The following IFT57 variants were observed in gnomAD, a reference collection of about 807,000 sequenced individuals.
The protein encoded by IFT57 is intraflagellar transport protein 57 homolog.
IFT57 carries 59 observed loss-of-function variants against 56.8 expected under a neutral mutation model. The observed-to-expected ratio is 1.04, with a 90% CI of 0.84 to 1.29. The LOEUF (loss-of-function observed/expected upper bound fraction) is 1.29, where lower values mean the gene tolerates loss of function less well. Ranked by LOEUF, IFT57 falls within the 50% of genes most tolerant of loss-of-function variation. IFT57 has a pLI of 0.00. For missense variants in IFT57, 470 were observed against 522.1 expected, an observed-to-expected ratio of 0.90 and a Z score of 0.97; for synonymous variants, 209 against 186.1, an observed-to-expected ratio of 1.12 and a Z score of -1.00.
chr3:108,196,361 C>T (rs2080244555), intron 5 of IFT57, among the ~76,000 whole-genome samples: 1 of 152,032 alleles, frequency 6.6e-6, no homozygotes, highest in Non-Finnish European at 1.5e-5. Flanking sequence ...CCACTTTCTT[C>T]AGGCCTGGAT....
At chr3:108,219,818 CA>C (rs2080395908) in intron 1 of IFT57, among the ~76,000 whole-genome samples, 1 of 152,136 alleles carries the variant, frequency 6.6e-6, no homozygotes, top group Non-Finnish European at 1.5e-5. Flanking sequence ...ACCTTACACC[CA>C]GGAAATGTAG....
At chr3:108,209,421 C>G (rs2080331342) in intron 4 of IFT57, among the ~76,000 whole-genome samples, 1 of 152,038 alleles carries the variant, frequency 6.6e-6, no homozygotes, top group South Asian at 2.1e-4. Flanking sequence ...TATGTATGGT[C>G]TTTATTTGAA....
chr3:108,203,698 C>T (rs938811508), intron 5 of IFT57, among the ~76,000 whole-genome samples: 6 of 152,232 alleles, frequency 3.9e-5, no homozygotes, highest in African/African-American at 1.4e-4. Flanking sequence ...GTGAAAAAAG[C>T]AGTGAAAAAG....
Position 108,166,891 on chromosome 3 carries a change from A to G in IFT57, c.944T>C (p.Val315Ala). 1 of 1,611,626 alleles carries G rather than the reference A, an allele frequency of 6.2e-7. No homozygotes were observed. ...GGCTTGAGCTGCACGATATTCTTGA[A>G]CCAAATTCTCAAGCTGATTGTTGAT... is the stretch of plus-strand genomic sequence containing the variant. The part of the protein sequence containing the change: ...KYINNQLENL[V>A]QEYRAAQAQL... The change falls in exon 8 of 11, where the codon GTT (valine) becomes GCT (alanine). Residue 315 changes from valine to alanine, a missense_variant. Transcript: ENST00000264538.
chr3:108,221,961 A>G lies in IFT57; in HGVS notation c.212+150T>C, dbSNP rs1051648945. ...GCGTGAGCTCCACGGACCTCCCGGG[A>G]GTTTGGGGTGAAGTGCCCTTCCCTG... On this transcript the variant is annotated intron_variant, in intron 1 of 10. Transcript: ENST00000264538. 3.5e-6 allele frequency: 5 copies of G among 1,433,474 alleles called. No homozygotes were observed. The African/African-American group carries it at 7.1e-5, about 20-fold the overall frequency. The allele number at this position is 1,433,474 out of a possible 1,614,324, so 88.8% of individuals were successfully genotyped here.
intron 1 of IFT57, 92 bp downstream of exon 1, chr3:108,222,019 C>G: frequency 6.6e-7 from 1 of 1,521,008 alleles, no homozygotes; most frequent in Non-Finnish European, 8.8e-7. Context: ...ATTGCTAACC[C>G]GCTCTCACGA....
At chr3:108,174,113 TC>T (rs1397921538) in intron 6 of IFT57, among the ~76,000 whole-genome samples, 1 of 151,014 alleles carries the variant, frequency 6.6e-6, no homozygotes, top group Non-Finnish European at 1.5e-5. Context: ...ATTCTAAATT[TC>T]CTATAAGGAA....
In IFT57 at chr3:108,214,756, A is replaced by AC. The variant is rs199572114; in HGVS notation, c.495-736_495-735insG. Among the ~76,000 whole-genome samples the AC allele has an allele frequency of 1.4e-3, 218 of 152,238 alleles. 4 individuals are homozygous for AC. The East Asian group carries it at 0.037, about 26-fold the overall frequency. ...GCTTATTTGCACTTCTTTTTAGGTG[A>AC]AATGTCTATTTATACCATTTACTTT... is the stretch of plus-strand genomic sequence containing the variant. On this transcript the variant is annotated intron_variant, in intron 3 of 10. Transcript: ENST00000264538.
chr3:108,198,602 T>C (rs1393260015), intron 5 of IFT57, among the ~76,000 whole-genome samples: 1 of 152,002 alleles, frequency 6.6e-6, no homozygotes, highest in African/African-American at 2.4e-5. Flanking sequence ...CCACCATGCC[T>C]GGCTGATTTT....
chr3:108,167,021 CACAA>C (rs1337459759), intron 7 of IFT57, 36 bp from the exon 8 acceptor site: 2 of 1,571,358 alleles, frequency 1.3e-6, no homozygotes, highest in Admixed American at 1.9e-5. Flanking sequence ...TAGAAGAACT[CACAA>C]ACATATTTTT....
chr3:108,202,333 T>G (rs534069515), intron 5 of IFT57, among the ~76,000 whole-genome samples: 1 of 152,210 alleles, frequency 6.6e-6, no homozygotes. Flanking sequence ...AACTGACATA[T>G]GCAAATTAGA....
rs748209444 is a variant in IFT57 at position 108,219,424 on chromosome 3, C to T, written c.361G>A (p.Glu121Lys). 6.8e-6 allele frequency: 11 copies of T among 1,613,476 alleles called. No individual in the cohort carries two copies. The South Asian group carries it at 9.9e-5, about 15-fold the overall frequency. ...TTTACACTTACAAATGACCGAAGCT[C>T]GGATAGTATGTTAGATATTGTTGCA... ...PNATISNILS[E>K]LRSFGRTADF... Residue 121 changes from glutamate (E) to lysine (K), a missense_variant, in exon 2 of 11, where the codon GAG becomes AAG. Glu to Lys is a moderately conservative substitution (Grantham distance 56, BLOSUM62 1). Coordinates refer to ENST00000264538, the MANE Select transcript of IFT57 (RefSeq NM_018010.4).
At chr3:108,165,597 A>T (rs1338330150) in intron 8 of IFT57, 104 bp from the exon 9 acceptor site, 1 of 825,464 alleles carries the variant, frequency 1.2e-6, no homozygotes, top group African/African-American at 1.7e-5. Context: ...TTTTATGACA[A>T]CCCTGCTCCT....
chr3:108,191,455 C>A (rs535209714), intron 6 of IFT57, 66 bp downstream of exon 6: 3 of 1,160,178 alleles, frequency 2.6e-6, no homozygotes, highest in South Asian at 3.4e-5. Flanking sequence ...TTGGGAGTAC[C>A]CCTAACCCTG....
chr3:108,218,690 A>G, intron 2 of IFT57, 37 bp from the exon 3 acceptor site: 2 of 1,020,712 alleles, frequency 2.0e-6, no homozygotes, highest in Non-Finnish European at 2.9e-6. Context: ...ATTATTTGTT[A>G]GTTATACTCC....
intron 9 of IFT57, among the ~76,000 whole-genome samples, chr3:108,164,593 T>C (rs1338064307): frequency 6.6e-6 from 1 of 152,066 alleles, no homozygotes; most frequent in Non-Finnish European, 1.5e-5. Context: ...AATGGTTCCC[T>C]GGACTCCCTT....
intron 5 of IFT57, among the ~76,000 whole-genome samples, chr3:108,204,572 C>G (rs1475143865): frequency 6.6e-6 from 1 of 152,210 alleles, no homozygotes; most frequent in African/African-American, 2.4e-5. Flanking sequence ...ACACAAACAA[C>G]AGTTTCTTTC....
intron 6 of IFT57, among the ~76,000 whole-genome samples, chr3:108,187,322 T>C (rs187170452): frequency 5.3e-5 from 8 of 152,286 alleles, no homozygotes; most frequent in African/African-American, 1.4e-4. Context: ...TGCCAGACAA[T>C]AGGGATAAGC....
At chr3:108,199,358 G>A (rs1041578920) in intron 5 of IFT57, among the ~76,000 whole-genome samples, 14 of 152,186 alleles carry the variant, frequency 9.2e-5, no homozygotes, top group African/African-American at 3.4e-4. Context: ...TTTAAGTTTA[G>A]CCTAACAAGA....
Sources: gnomAD v4.1 joint callset for allele counts (sites outside exome capture counted in the v4.1 genomes callset) on GRCh38, gnomAD v4.1.1 for gene constraint, MANE v1.5 for transcripts, NCBI Gene and HGNC (gene_info 2026-07-23, HGNC 2026-07-21) for gene names.